Variants in PTCHD1 observed in about 807,000 individuals in gnomAD.
PTCHD1 encodes the protein patched domain containing 1.
In PTCHD1, 3 loss-of-function variants were observed where a neutral mutation model predicts 34.6. The ratio of observed to expected loss-of-function variants is 0.09; its 90% CI spans 0.04 to 0.22. The LOEUF is 0.22. Ranked by LOEUF, PTCHD1 falls within the 10% of genes least tolerant of loss-of-function variation. The pLI is 1.00. For synonymous variants in PTCHD1, 305 were observed against 283.1 expected (o/e 1.08, Z -0.77); for missense variants, 504 against 685.5 (o/e 0.74, Z 2.96).
chrX:23,373,522 T>C lies in PTCHD1; in HGVS notation c.352-6069T>C, dbSNP rs1340944417. Among the ~76,000 whole-genome samples, 6 of 112,836 alleles carry C rather than the reference T, an allele frequency of 5.3e-5. No individual in the cohort carries two copies. In the East Asian group the frequency reaches 1.7e-3, roughly 31 times the overall value. Reference sequence around the variant, plus strand: ...AAGGCAGGATGATATTTCTGTTCACTTATTAAGGGATGACTAACTTGCTTT... The same window carrying C: ...AAGGCAGGATGATATTTCTGTTCACCTATTAAGGGATGACTAACTTGCTTT... On this transcript the variant is annotated intron_variant, in intron 1 of 2. Coordinates refer to ENST00000379361, the MANE Select transcript of PTCHD1 (RefSeq NM_173495.3).
intron 1 of PTCHD1, among the ~76,000 whole-genome samples, chrX:23,369,521 A>T (rs1922225554): frequency 9.0e-6 from 1 of 111,530 alleles, no homozygotes; most frequent in Non-Finnish European, 1.9e-5. Context: ...GTGGCCATGG[A>T]CAAGTTATTT....
chrX:23,357,061 A>G (rs1266630491), intron 1 of PTCHD1, among the ~76,000 whole-genome samples: 1 of 112,192 alleles, frequency 8.9e-6, no homozygotes, highest in Non-Finnish European at 1.9e-5. Flanking sequence ...TGATATGAAT[A>G]CAAGTCTGTA....
rs1923028829 is a variant in PTCHD1, at chrX:23,397,863, A to C, written c.*3678A>C. The C allele has an allele frequency of 9.0e-6, 1 of 111,620 alleles. No individual in the cohort carries two copies. Among genetic ancestry groups the C allele is most frequent in the Non-Finnish European group, 1.9e-5 (1 of 53,120 alleles). The allele number at this position is 111,620 out of a possible 1,213,427, so 9.2% of individuals were successfully genotyped here. On this transcript the variant is annotated 3_prime_UTR_variant, in exon 3 of 3. Coordinates refer to ENST00000379361, the MANE Select transcript of PTCHD1 (RefSeq NM_173495.3). Reference sequence around the variant, plus strand: ...AAGAGGCAGAACCTCTTGGACACAAATGTTATCTTCCTCATAATGGCTTTA... The same window carrying C: ...AAGAGGCAGAACCTCTTGGACACAACTGTTATCTTCCTCATAATGGCTTTA...
chrX:23,392,621 A>G lies in PTCHD1; in HGVS notation c.1103A>G (p.Tyr368Cys). Residue 368 changes from tyrosine to cysteine, a missense_variant, in exon 3 of 3, where the codon TAT becomes TGT. Coordinates refer to ENST00000379361, the MANE Select transcript of PTCHD1 (RefSeq NM_173495.3). ...GTTAAAGAGAGAACTGCAGCAGTCTATGCAGACTCCATGCTCTCCTTTTCT... is the reference window on the plus strand; with the variant it reads ...GTTAAAGAGAGAACTGCAGCAGTCTGTGCAGACTCCATGCTCTCCTTTTCT... ...QHVKERTAAV[Y>C]ADSMLSFSLT... The G allele has an allele frequency of 8.3e-7, 1 of 1,204,053 alleles. No individual in the cohort carries two copies. Among genetic ancestry groups the G allele is most frequent in the Non-Finnish European group, 1.1e-6 (1 of 888,250 alleles).
At chrX:23,358,233 C>T (rs955702615) in intron 1 of PTCHD1, among the ~76,000 whole-genome samples, 1 of 112,161 alleles carries the variant, frequency 8.9e-6, no homozygotes, top group African/African-American at 3.2e-5. Context: ...GGAATCACCA[C>T]ACTGACTTCC....
At chrX:23,368,737 G>A (rs1405823605) in intron 1 of PTCHD1, among the ~76,000 whole-genome samples, 1 of 110,698 alleles carries the variant, frequency 9.0e-6, no homozygotes, top group East Asian at 2.8e-4. Context: ...TTTCTTTTTC[G>A]TCGTGTGTTT....
At position 23,394,407 on chromosome X, in the gene PTCHD1, T is replaced by TACACACAC. The variant is rs1195382947; in HGVS notation, c.*223_*224insCACACACA. 1.0e-4 allele frequency: 19 copies of TACACACAC among 190,519 alleles called. No individual in the cohort carries two copies. Among genetic ancestry groups the TACACACAC allele is most frequent in the African/African-American group, 2.3e-4 (3 of 13,194 alleles). 15.7% of individuals were successfully genotyped at this position (190,519 alleles called of 1,213,427 possible). On this transcript the variant is annotated 3_prime_UTR_variant, in exon 3 of 3. Transcript: ENST00000379361. Reference sequence around the variant, plus strand: ...GTTGTTATGAGAATTCACACACACATAGACACACACACACACACACACACA... The same window carrying TACACACAC: ...GTTGTTATGAGAATTCACACACACATACACACACAGACACACACACACACACACACACA...
intron 2 of PTCHD1, 89 bp from the exon 3 acceptor site, chrX:23,392,442 G>T: frequency 1.6e-6 from 1 of 620,083 alleles, no homozygotes; most frequent in South Asian, 2.3e-5. Flanking sequence ...CGTTTCCTTT[G>T]ACCCAGTAGT....
intron 1 of PTCHD1, among the ~76,000 whole-genome samples, chrX:23,347,567 A>G (rs930873574): frequency 1.8e-5 from 2 of 112,570 alleles, no homozygotes; most frequent in African/African-American, 6.5e-5. Context: ...CTTAGTTCCT[A>G]TTAACTGATA....
intron 2 of PTCHD1, among the ~76,000 whole-genome samples, chrX:23,387,653 C>T (rs1922718013): frequency 8.9e-6 from 1 of 111,903 alleles, no homozygotes; most frequent in Non-Finnish European, 1.9e-5. Flanking sequence ...AAGAGCCCTG[C>T]TGGCCTGACA....
chrX:23,340,442 C>A (rs1465830678), intron 1 of PTCHD1, among the ~76,000 whole-genome samples: 1 of 111,999 alleles, frequency 8.9e-6, no homozygotes, highest in Non-Finnish European at 1.9e-5. Context: ...TAAGTTGACA[C>A]TGGCCTTTGA....
intron 1 of PTCHD1, among the ~76,000 whole-genome samples, chrX:23,336,369 G>A (rs1005407445): frequency 9.0e-6 from 1 of 111,384 alleles, no homozygotes; most frequent in African/African-American, 3.3e-5. Flanking sequence ...GGGATGGAAG[G>A]TGATCGTTTT....
At chrX:23,392,259 T>C (rs1369293083) in intron 2 of PTCHD1, among the ~76,000 whole-genome samples, 2 of 109,131 alleles carry the variant, frequency 1.8e-5, no homozygotes, top group African/African-American at 6.7e-5. Context: ...GTTTGTTTGG[T>C]GGAACACTCC....
intron 1 of PTCHD1, among the ~76,000 whole-genome samples, chrX:23,364,989 A>C (rs1415564582): frequency 1.8e-5 from 2 of 112,277 alleles, no homozygotes; most frequent in African/African-American, 6.5e-5. Flanking sequence ...TGCAGGTCTA[A>C]GTACTTCTTG....
rs1027848461 is a variant in PTCHD1 at position 23,403,568 on chromosome X, T to G, written c.*9383T>G. 2 of 111,585 alleles carry G rather than the reference T, an allele frequency of 1.8e-5. No homozygotes were observed. The highest frequency in any genetic ancestry group is 3.3e-5 in the African/African-American group (1 of 30,672). The allele number at this position is 111,585 out of a possible 1,213,427, so 9.2% of individuals were successfully genotyped here. The stretch of plus-strand genomic sequence containing the variant: ...TTTGCAGCAAGGGGCATTAATAAAC[T>G]CTAATTTTTACCGAAAGTCAAGAGA... On this transcript the variant is annotated 3_prime_UTR_variant, in exon 3 of 3. Transcript: ENST00000379361.
intron 1 of PTCHD1, among the ~76,000 whole-genome samples, chrX:23,335,449 G>A (rs985961576): frequency 8.8e-6 from 1 of 113,183 alleles, no homozygotes; most frequent in African/African-American, 3.2e-5. Flanking sequence ...CGCCTCTACC[G>A]CCACCCCGCA....
At position 23,349,731 on chromosome X, in the gene PTCHD1, A is replaced by G. The variant is rs778109126; in HGVS notation, c.351+14505A>G. On this transcript the variant is annotated intron_variant, in intron 1 of 2. Transcript: ENST00000379361. The stretch of plus-strand genomic sequence containing the variant: ...TCCACTATTATAGTTGGAGACTTCA[A>G]CATTCCTCTGTCAGTAATGGATTAA... Among the ~76,000 whole-genome samples, 21 of 111,828 alleles carry G rather than the reference A, an allele frequency of 1.9e-4. No individual in the cohort carries two copies. The East Asian group carries it at 5.0e-3, about 27-fold the overall frequency.
At chrX:23,389,597 G>C (rs1479377520) in intron 2 of PTCHD1, among the ~76,000 whole-genome samples, 1 of 111,837 alleles carries the variant, frequency 8.9e-6, no homozygotes, top group Non-Finnish European at 1.9e-5. Flanking sequence ...AATGGTGGTC[G>C]GGGCCTTTGG....
intron 1 of PTCHD1, among the ~76,000 whole-genome samples, chrX:23,356,494 C>T (rs1432616216): frequency 8.9e-6 from 1 of 111,868 alleles, no homozygotes; most frequent in Non-Finnish European, 1.9e-5. Flanking sequence ...CACTCTGCAG[C>T]CCTTTCAGAA....
Sources: gnomAD v4.1 joint callset for allele counts (sites outside exome capture counted in the v4.1 genomes callset) on GRCh38, gnomAD v4.1.1 for gene constraint, MANE v1.5 for transcripts, NCBI Gene and HGNC (gene_info 2026-07-23, HGNC 2026-07-21) for gene names.